The following CARMIL1 variants were observed in gnomAD, a reference collection of about 807,000 sequenced individuals.
CARMIL1 encodes the protein capping protein regulator and myosin 1 linker 1.
In CARMIL1, 90 loss-of-function variants were observed where a neutral mutation model predicts 177.1. The observed-to-expected ratio is 0.51, with a 90% CI of 0.43 to 0.61. CARMIL1 has a LOEUF of 0.61. CARMIL1 is among the 20% of genes least tolerant of loss of function. The pLI, the probability that CARMIL1 is intolerant of heterozygous loss-of-function variation, is 0.00. For synonymous variants in CARMIL1, 577 were observed against 606.2 expected (o/e 0.95, Z 0.71); for missense variants, 1,380 against 1,667.0 (o/e 0.83, Z 3.00).
At chr6:25,462,344 G>T (rs1007419681) in intron 8 of CARMIL1, among the ~76,000 whole-genome samples, 2 of 151,980 alleles carry the variant, frequency 1.3e-5, no homozygotes, top group Non-Finnish European at 2.9e-5. Context: ...TCTCAACTTG[G>T]TTGTCTTGAT....
chr6:25,487,253 G>C (rs868102284), intron 12 of CARMIL1, among the ~76,000 whole-genome samples: 8 of 152,098 alleles, frequency 5.3e-5, no homozygotes, highest in African/African-American at 1.9e-4. Context: ...GGCTGCACCT[G>C]CACCCCACAG....
chr6:25,470,289 T>A (rs1490591487), intron 9 of CARMIL1, among the ~76,000 whole-genome samples: 1 of 152,238 alleles, frequency 6.6e-6, no homozygotes, highest in Non-Finnish European at 1.5e-5. Flanking sequence ...CTTAATTTTC[T>A]TATCTATGAA....
intron 24 of CARMIL1, among the ~76,000 whole-genome samples, chr6:25,530,022 G>C (rs1185518947): frequency 6.6e-6 from 1 of 151,922 alleles, no homozygotes; most frequent in Non-Finnish European, 1.5e-5. Flanking sequence ...TTCTAATGGA[G>C]CTTCAAAATT....
chr6:25,477,273 T>G (rs1488947841), intron 11 of CARMIL1, among the ~76,000 whole-genome samples: 1 of 152,150 alleles, frequency 6.6e-6, no homozygotes, highest in East Asian at 1.9e-4. Context: ...TGAATGTTGA[T>G]GCAGCAAATC....
intron 9 of CARMIL1, among the ~76,000 whole-genome samples, chr6:25,470,244 T>G (rs1013175597): frequency 1.3e-5 from 2 of 152,242 alleles, no homozygotes; most frequent in Non-Finnish European, 2.9e-5. Flanking sequence ...AAGTACTTAT[T>G]TAGCCTTCCT....
chr6:25,296,943 CT>C (rs1561949141), intron 2 of CARMIL1, among the ~76,000 whole-genome samples: 2 of 72,732 alleles, frequency 2.7e-5, no homozygotes, highest in African/African-American at 1.1e-4. Context: ...CTTTAACTAA[CT>C]AACTAACTAA....
intron 2 of CARMIL1, among the ~76,000 whole-genome samples, chr6:25,296,960 TAAC>T (rs1326829652): frequency 6.6e-6 from 1 of 150,756 alleles, no homozygotes; most frequent in African/African-American, 2.5e-5. Flanking sequence ...ACTAACTAAC[TAAC>T]TAAAGCATTT....
rs115026933 is a variant in CARMIL1 at position 25,342,882 on chromosome 6, C to T, written c.138+57973C>T. On this transcript the variant is annotated intron_variant, in intron 2 of 36. Transcript: ENST00000329474. ...TTCTACCTTCCTCCTCCTCCAGCTG[C>T]ACACGTAGTTTACTGGTTACTGTGG... Among the ~76,000 whole-genome samples, 1,327 of 152,302 alleles carry T rather than the reference C, an allele frequency of 8.7e-3. 18 individuals are homozygous for T. Among genetic ancestry groups the T allele is most frequent in the African/African-American group, 0.026 (1,073 of 41,564 alleles).
At chr6:25,382,408 G>A (rs369930678) in intron 2 of CARMIL1, among the ~76,000 whole-genome samples, 20 of 152,214 alleles carry the variant, frequency 1.3e-4, no homozygotes, top group East Asian at 7.7e-4. Context: ...GGACCTTTGC[G>A]GTGAGTGTTA....
At chr6:25,483,736 TG>T (rs1186025455) in intron 12 of CARMIL1, among the ~76,000 whole-genome samples, 2 of 151,800 alleles carry the variant, frequency 1.3e-5, no homozygotes, top group Admixed American at 1.3e-4. Flanking sequence ...CGAGGTGGAT[TG>T]AAAAAAAGTC....
intron 26 of CARMIL1, among the ~76,000 whole-genome samples, chr6:25,545,638 G>T (rs905258241): frequency 6.6e-6 from 1 of 152,050 alleles, no homozygotes; most frequent in Non-Finnish European, 1.5e-5. Flanking sequence ...TTTTTTTCAG[G>T]TGTCCATGGA....
chr6:25,533,856 C>T (rs1202190743), intron 24 of CARMIL1, among the ~76,000 whole-genome samples: 1 of 152,086 alleles, frequency 6.6e-6, no homozygotes, highest in African/African-American at 2.4e-5. Context: ...TTATTTTTTT[C>T]AGCATCTCCA....
intron 29 of CARMIL1, among the ~76,000 whole-genome samples, chr6:25,564,494 A>G (rs914322705): frequency 2.0e-5 from 3 of 152,216 alleles, no homozygotes; most frequent in African/African-American, 4.8e-5. Flanking sequence ...TATACTGTCT[A>G]TACCACTATT....
chr6:25,601,677 A>G (rs1466804845), intron 33 of CARMIL1, among the ~76,000 whole-genome samples: 4 of 152,246 alleles, frequency 2.6e-5, no homozygotes, highest in East Asian at 1.9e-4. Context: ...ATTGATATAT[A>G]TCATCTGTTG....
At chr6:25,356,282 C>T (rs980503191) in intron 2 of CARMIL1, among the ~76,000 whole-genome samples, 6 of 152,146 alleles carry the variant, frequency 3.9e-5, no homozygotes, top group Admixed American at 1.3e-4. Flanking sequence ...TGGTCTCGAT[C>T]TCCTGACCTC....
intron 2 of CARMIL1, among the ~76,000 whole-genome samples, chr6:25,340,777 G>GTTTTTTTTTT (rs34928775): frequency 0.044 from 3,742 of 85,970 alleles, 359 homozygotes; most frequent in Middle Eastern, 0.058. Flanking sequence ...GTCAATGAAG[G>GTTTTTTTTTT]TTTTTTTTTT....
chr6:25,358,669 A>C (rs1255873644), intron 2 of CARMIL1, among the ~76,000 whole-genome samples: 1 of 152,184 alleles, frequency 6.6e-6, no homozygotes, highest in African/African-American at 2.4e-5. Context: ...AATTTGGTGA[A>C]TCCCCATACT....
chr6:25,559,931 G>A (rs1293459816), intron 29 of CARMIL1, among the ~76,000 whole-genome samples: 1 of 152,094 alleles, frequency 6.6e-6, no homozygotes, highest in Non-Finnish European at 1.5e-5. Context: ...AAAACCAACA[G>A]TTATAATTGC....
chr6:25,340,810 G>A (rs1477646570), intron 2 of CARMIL1, among the ~76,000 whole-genome samples: 2 of 80,332 alleles, frequency 2.5e-5, no homozygotes, highest in South Asian at 5.1e-4. Flanking sequence ...TTTTTAAGTC[G>A]TGTAAGAATT....
Sources: allele counts gnomAD v4.1 joint callset (sites outside exome capture counted in the v4.1 genomes callset), GRCh38; gene constraint gnomAD v4.1.1; transcripts MANE v1.5; gene names NCBI Gene and HGNC (gene_info 2026-07-23, HGNC 2026-07-21).